Variants in CSMD1 observed in about 807,000 individuals in gnomAD.
CSMD1 encodes CUB and sushi domain-containing protein 1.
A neutral mutation model predicts 417.5 loss-of-function variants in CSMD1; 213 were observed. That is an observed-to-expected ratio of 0.51 (90% CI 0.46 to 0.57). CSMD1 has a LOEUF of 0.57. Among genes scored for constraint, CSMD1 ranks in the 20% least tolerant of loss-of-function variants. The probability of loss-of-function intolerance (pLI) is 0.00; values close to 1 mark genes in which losing one functional copy is unlikely to be tolerated. For missense variants in CSMD1, 6,923 were observed against 4,529.7 expected (o/e 1.53, Z -15.17); for synonymous variants, 2,862 against 1,736.8 (o/e 1.65, Z -16.11).
chr8:3,048,275 T>A (rs1811588550), intron 50 of CSMD1, among the ~76,000 whole-genome samples: 1 of 152,146 alleles, frequency 6.6e-6, no homozygotes, highest in African/African-American at 2.4e-5. Context: ...TTTTACAAAT[T>A]ACCAAATTAT....
At chr8:3,301,832 A>T (rs1389330781) in intron 25 of CSMD1, among the ~76,000 whole-genome samples, 1 of 152,196 alleles carries the variant, frequency 6.6e-6, no homozygotes, top group Non-Finnish European at 1.5e-5. Flanking sequence ...CAGTTGAGAG[A>T]AGACTAAAGT....
At chr8:3,249,869 G>A (rs989667362) in intron 26 of CSMD1, among the ~76,000 whole-genome samples, 1 of 152,124 alleles carries the variant, frequency 6.6e-6, no homozygotes, top group Non-Finnish European at 1.5e-5. Context: ...TCTATGAAAT[G>A]TTTAGAAATG....
intron 3 of CSMD1, among the ~76,000 whole-genome samples, chr8:4,058,501 C>G (rs1271309116): frequency 1.3e-5 from 2 of 152,120 alleles, no homozygotes; most frequent in Admixed American, 6.6e-5. Flanking sequence ...TTGCCTTCCT[C>G]TTTTCCTAAC....
intron 23 of CSMD1, among the ~76,000 whole-genome samples, chr8:3,314,774 C>G (rs1247233589): frequency 2.0e-5 from 3 of 152,166 alleles, no homozygotes; most frequent in African/African-American, 7.2e-5. Flanking sequence ...TATTAGAGTT[C>G]TATGAGACTT....
chr8:4,024,075 A>G (rs1412612864), intron 4 of CSMD1, among the ~76,000 whole-genome samples: 1 of 152,166 alleles, frequency 6.6e-6, no homozygotes, highest in Non-Finnish European at 1.5e-5. Flanking sequence ...ATATACTAGA[A>G]AGAGTAGAAG....
intron 11 of CSMD1, among the ~76,000 whole-genome samples, chr8:3,472,803 T>C (rs1817180535): frequency 6.6e-6 from 1 of 152,102 alleles, no homozygotes; most frequent in Non-Finnish European, 1.5e-5. Context: ...AGTCAAAACA[T>C]GAAATACCTG....
At chr8:4,796,464 C>T (rs1215612163) in intron 1 of CSMD1, among the ~76,000 whole-genome samples, 1 of 151,886 alleles carries the variant, frequency 6.6e-6, no homozygotes, top group Non-Finnish European at 1.5e-5. Context: ...ATGTAAATAT[C>T]TTTGAGAGCT....
chr8:4,685,211 G>A (rs563519465), intron 1 of CSMD1, among the ~76,000 whole-genome samples: 43 of 152,254 alleles, frequency 2.8e-4, no homozygotes, highest in Admixed American at 7.8e-4. Flanking sequence ...AATAATGGCC[G>A]TAAACAAAGT....
chr8:4,034,610 C>A (rs897710705), intron 3 of CSMD1, among the ~76,000 whole-genome samples: 2 of 151,968 alleles, frequency 1.3e-5, no homozygotes, highest in African/African-American at 4.8e-5. Context: ...TCAGCTGAGC[C>A]GAGAGCTCTT....
In CSMD1 at chr8:4,353,907, T is replaced by G. The variant is rs148248511; in HGVS notation, c.415+66046A>C. On this transcript the variant is annotated intron_variant, in intron 3 of 69. Transcript: ENST00000635120. ...AGGGAAAAGAGCATGTTCAGCAAGC[T>G]GTTTTTACACAATGTTCATTTGAGG... Among the ~76,000 whole-genome samples, 4 of 152,334 alleles carry G rather than the reference T, an allele frequency of 2.6e-5. No homozygotes were observed. In the East Asian group the frequency reaches 7.7e-4, roughly 29 times the overall value.
intron 41 of CSMD1, among the ~76,000 whole-genome samples, chr8:3,136,344 G>A (rs1818088363): frequency 1.3e-5 from 2 of 150,268 alleles, no homozygotes; most frequent in Admixed American, 6.7e-5. Context: ...ACAAACCCCG[G>A]TCTCTGGTCT....
chr8:4,692,303 T>C (rs772448118), intron 1 of CSMD1, among the ~76,000 whole-genome samples: 1 of 152,006 alleles, frequency 6.6e-6, no homozygotes, highest in Non-Finnish European at 1.5e-5. Flanking sequence ...GAGAAACTCA[T>C]TAAAGGAAAT....
At chr8:3,192,555 G>T (rs1036079463) in intron 33 of CSMD1, among the ~76,000 whole-genome samples, 4 of 152,152 alleles carry the variant, frequency 2.6e-5, no homozygotes, top group African/African-American at 7.2e-5. Flanking sequence ...CTTTAAATAG[G>T]TCACGAGCCA....
intron 20 of CSMD1, 90 bp from the exon 21 acceptor site, chr8:3,359,430 A>G (rs1477851650): frequency 1.7e-5 from 15 of 885,490 alleles, no homozygotes; most frequent in Non-Finnish European, 2.5e-5. Context: ...TATTACTAAA[A>G]AAAAAAAAAA....
intron 5 of CSMD1, among the ~76,000 whole-genome samples, chr8:3,939,576 T>C (rs1024818563): frequency 5.9e-5 from 9 of 152,128 alleles, no homozygotes; most frequent in Admixed American, 2.0e-4. Flanking sequence ...AGCATGTTTA[T>C]AGCAGCACAA....
intron 10 of CSMD1, among the ~76,000 whole-genome samples, chr8:3,565,588 C>G (rs1038209641): frequency 1.3e-5 from 2 of 152,176 alleles, no homozygotes; most frequent in Admixed American, 6.5e-5. Flanking sequence ...TCTTCTTCAT[C>G]TCTCTGAATT....
chr8:4,631,985 C>A (rs1435649619), intron 2 of CSMD1, among the ~76,000 whole-genome samples: 1 of 152,224 alleles, frequency 6.6e-6, no homozygotes, highest in East Asian at 1.9e-4. Context: ...TTCTCTTAGA[C>A]CTTTGATATA....
chr8:3,951,429 T>A (rs932916843), intron 5 of CSMD1, among the ~76,000 whole-genome samples: 3 of 152,224 alleles, frequency 2.0e-5, no homozygotes, highest in Admixed American at 2.0e-4. Flanking sequence ...TTAAACTCTG[T>A]TCATTAGTGG....
intron 7 of CSMD1, among the ~76,000 whole-genome samples, chr8:3,703,969 G>A (rs1015097403): frequency 1.3e-5 from 2 of 152,112 alleles, no homozygotes; most frequent in African/African-American, 2.4e-5. Flanking sequence ...TATTTGGGAG[G>A]CTGAGACAGG....
Sources: gnomAD v4.1 joint callset for allele counts (sites outside exome capture counted in the v4.1 genomes callset) on GRCh38, gnomAD v4.1.1 for gene constraint, MANE v1.5 for transcripts, NCBI Gene and HGNC (gene_info 2026-07-23, HGNC 2026-07-21) for gene names.